SYNDIG1: variants seen among roughly 807,000 people sequenced by gnomAD.
SYNDIG1 encodes synapse differentiation inducing 1.
SYNDIG1 carries 9 observed loss-of-function variants against 19.4 expected under a neutral mutation model. That is an observed-to-expected ratio of 0.46 (90% CI 0.28 to 0.81). The LOEUF (loss-of-function observed/expected upper bound fraction) is 0.81. SYNDIG1 is among the 30% of genes least tolerant of loss of function. The pLI is 0.12. For synonymous variants in SYNDIG1, 141 were observed against 145.9 expected (o/e 0.97, Z 0.24); for missense variants, 311 against 343.3 (o/e 0.91, Z 0.74).
At chr20:24,481,887 A>G (rs946843792) in intron 1 of SYNDIG1, among the ~76,000 whole-genome samples, 1 of 152,232 alleles carries the variant, frequency 6.6e-6, no homozygotes, top group Non-Finnish European at 1.5e-5. Flanking sequence ...AGAAGCATGA[A>G]TAAATTCAGC....
At chr20:24,557,677 G>A (rs1365645058) in intron 2 of SYNDIG1, among the ~76,000 whole-genome samples, 5 of 152,152 alleles carry the variant, frequency 3.3e-5, no homozygotes, top group Non-Finnish European at 7.3e-5. Flanking sequence ...TTTTGTCTCA[G>A]AGGAGTACCC....
chr20:24,507,708 G>A (rs2056629461), intron 1 of SYNDIG1, among the ~76,000 whole-genome samples: 1 of 152,222 alleles, frequency 6.6e-6, no homozygotes, highest in Non-Finnish European at 1.5e-5. Flanking sequence ...AGTATCGGGT[G>A]TGAGCAAGGC....
intron 1 of SYNDIG1, among the ~76,000 whole-genome samples, chr20:24,484,707 C>T (rs867901764): frequency 4.6e-5 from 7 of 152,194 alleles, no homozygotes; most frequent in African/African-American, 1.7e-4. Context: ...GCCCTACACA[C>T]AATAGGTCTT....
At chr20:24,538,005 T>A (rs1012757040) in intron 1 of SYNDIG1, among the ~76,000 whole-genome samples, 1 of 152,220 alleles carries the variant, frequency 6.6e-6, no homozygotes. Flanking sequence ...AGACAGTGTA[T>A]CTTTTATTTC....
rs190995069 is a variant in SYNDIG1 at position 24,553,519 on chromosome 20, T to G, written c.480+9942T>G. ...GTAAGGAAGGGATCCAGTTTCAGCT[T>G]TCTACATATGGCTAGCCAGTTTTCC... On this transcript the variant is annotated intron_variant, in intron 2 of 3. Coordinates refer to ENST00000376862, the MANE Select transcript of SYNDIG1 (RefSeq NM_024893.3). Among the ~76,000 whole-genome samples the G allele has an allele frequency of 1.1e-3, 174 of 152,356 alleles. 1 individual carries two copies. Among genetic ancestry groups the G allele is most frequent in the African/African-American group, 4.0e-3 (167 of 41,586 alleles).
intron 1 of SYNDIG1, among the ~76,000 whole-genome samples, chr20:24,518,739 C>T (rs1450751645): frequency 1.3e-5 from 2 of 152,190 alleles, no homozygotes; most frequent in Non-Finnish European, 2.9e-5. Flanking sequence ...GACGTATCTC[C>T]ATATTCACCA....
chr20:24,535,812 C>A (rs987906272), intron 1 of SYNDIG1, among the ~76,000 whole-genome samples: 1 of 152,064 alleles, frequency 6.6e-6, no homozygotes, highest in African/African-American at 2.4e-5. Flanking sequence ...AAGCATGAGA[C>A]CCCTCTCTTC....
chr20:24,637,839 C>G (rs917449572), intron 3 of SYNDIG1, among the ~76,000 whole-genome samples: 2 of 152,232 alleles, frequency 1.3e-5, no homozygotes, highest in Non-Finnish European at 2.9e-5. Flanking sequence ...CCCTTCGAGT[C>G]TCCCCAGCCC....
chr20:24,551,899 C>G (rs1250419977), intron 2 of SYNDIG1, among the ~76,000 whole-genome samples: 1 of 152,026 alleles, frequency 6.6e-6, no homozygotes, highest in East Asian at 1.9e-4. Context: ...GGCTTAGTGT[C>G]TGATATGTTC....
intron 3 of SYNDIG1, among the ~76,000 whole-genome samples, chr20:24,627,314 G>A (rs1038449201): frequency 1.3e-5 from 2 of 152,148 alleles, no homozygotes; most frequent in African/African-American, 4.8e-5. Flanking sequence ...GAGGAGCAAG[G>A]GATAACCTGA....
chr20:24,477,305 G>T (rs948807333), intron 1 of SYNDIG1, among the ~76,000 whole-genome samples: 1 of 151,980 alleles, frequency 6.6e-6, no homozygotes, highest in Non-Finnish European at 1.5e-5. Context: ...TTGATGTTGG[G>T]CCATAGCCCG....
chr20:24,505,609 G>A (rs1236105299), intron 1 of SYNDIG1, among the ~76,000 whole-genome samples: 2 of 152,158 alleles, frequency 1.3e-5, no homozygotes, highest in Admixed American at 1.3e-4. Context: ...GCAATCTTAG[G>A]TGGCTTCCGC....
chr20:24,627,051 G>A (rs1272239453), intron 3 of SYNDIG1, among the ~76,000 whole-genome samples: 1 of 151,506 alleles, frequency 6.6e-6, no homozygotes, highest in African/African-American at 2.4e-5. Context: ...GGCTCGGCAT[G>A]AGAGGGAGAC....
chr20:24,517,743 GTA>G (rs1368579740), intron 1 of SYNDIG1, among the ~76,000 whole-genome samples: 141 of 142,456 alleles, frequency 9.9e-4, no homozygotes, highest in African/African-American at 2.8e-3. Context: ...TTATATATGT[GTA>G]TGTGTGTGTG....
At chr20:24,624,405 A>C (rs888786316) in intron 3 of SYNDIG1, among the ~76,000 whole-genome samples, 1 of 152,230 alleles carries the variant, frequency 6.6e-6, no homozygotes, top group Non-Finnish European at 1.5e-5. Context: ...GGCTGTATTA[A>C]TTTGAGAAAA....
rs531513473 is a variant in SYNDIG1, at chr20:24,543,189, T to C, written c.92T>C (p.Leu31Ser). The change falls in exon 2 of 4, where the codon TTG becomes TCG. Residue 31 changes from leucine to serine, a missense_variant. By Grantham distance (145) the Leu-to-Ser change is moderately radical. Transcript: ENST00000376862. ...AATGGTTTAATTAACACCAGAAACT[T>C]GATGGCCGAGAGCAGAGATGGTCTG... ...KRNGLINTRN[L>S]MAESRDGLVS... 106 of 1,614,028 alleles carry C rather than the reference T, an allele frequency of 6.6e-5. 1 individual carries two copies. In the South Asian group the frequency reaches 1.0e-3, roughly 16 times the overall value.
At chr20:24,498,291 T>G (rs185964711) in intron 1 of SYNDIG1, among the ~76,000 whole-genome samples, 81 of 152,342 alleles carry the variant, frequency 5.3e-4, no homozygotes, top group East Asian at 7.7e-4. Context: ...TTTATTATTA[T>G]TAGTAGTAGT....
chr20:24,544,977 G>C (rs1028703192), intron 2 of SYNDIG1, among the ~76,000 whole-genome samples: 1 of 152,174 alleles, frequency 6.6e-6, no homozygotes, highest in African/African-American at 2.4e-5. Context: ...GAGGAGGCAG[G>C]AGAAAGCAAT....
chr20:24,477,553 C>T (rs779482968), intron 1 of SYNDIG1, among the ~76,000 whole-genome samples: 27 of 152,184 alleles, frequency 1.8e-4, no homozygotes, highest in Non-Finnish European at 1.5e-4. Flanking sequence ...AAAGGGCTTC[C>T]TGATGGTCTC....
Sources: gnomAD v4.1 joint callset for allele counts (sites outside exome capture counted in the v4.1 genomes callset) on GRCh38, gnomAD v4.1.1 for gene constraint, MANE v1.5 for transcripts, NCBI Gene and HGNC (gene_info 2026-07-23, HGNC 2026-07-21) for gene names.